STX7: variants seen among roughly 807,000 people sequenced by gnomAD.
STX7 encodes the protein syntaxin 7.
Under a neutral mutation model 39.6 loss-of-function variants are expected in STX7, and 34 were observed. The ratio of observed to expected loss-of-function variants is 0.86; its 90% CI spans 0.65 to 1.14. STX7 has a LOEUF of 1.14. Ranked by LOEUF, STX7 falls within the 50% of genes most tolerant of loss-of-function variation. STX7 has a pLI of 0.00. For missense variants in STX7, 284 were observed against 310.4 expected (o/e 0.92, Z 0.64); for synonymous variants, 119 against 99.1 (o/e 1.20, Z -1.19).
intron 9 of STX7, chr6:132,461,585 C>T: frequency 2.5e-6 from 1 of 402,602 alleles, no homozygotes; most frequent in Non-Finnish European, 4.5e-6. Flanking sequence ...GCTGGGATTA[C>T]AGGCGTGAGC....
chr6:132,497,528 A>T (rs1775446834), intron 2 of STX7, among the ~76,000 whole-genome samples: 1 of 152,220 alleles, frequency 6.6e-6, no homozygotes, highest in Admixed American at 6.5e-5. Flanking sequence ...TCTAGTACTC[A>T]ATGTATACAT....
chr6:132,478,683 G>A (rs150191856), intron 2 of STX7, among the ~76,000 whole-genome samples: 1 of 152,304 alleles, frequency 6.6e-6, no homozygotes, highest in Admixed American at 6.5e-5. Flanking sequence ...AGCTTATTCA[G>A]GTGGTGACTC....
intron 2 of STX7, 55 bp from the exon 3 acceptor site, chr6:132,475,717 A>G: frequency 6.9e-6 from 9 of 1,308,838 alleles, no homozygotes; most frequent in Non-Finnish European, 9.6e-6. Context: ...GGTAACAGAA[A>G]GAGTTAAAAA....
At chr6:132,481,997 G>C (rs890973429) in intron 2 of STX7, among the ~76,000 whole-genome samples, 1 of 152,096 alleles carries the variant, frequency 6.6e-6, no homozygotes, top group Non-Finnish European at 1.5e-5. Flanking sequence ...TAACTAGAAG[G>C]CAAATTTCTT....
At chr6:132,505,739 T>TAAA (rs368964430) in intron 1 of STX7, among the ~76,000 whole-genome samples, 3,716 of 60,046 alleles carry the variant, frequency 0.062, 265 homozygotes, top group Non-Finnish European at 0.083. Context: ...CCAAGTCACT[T>TAAA]AAAAAAAAAA....
chr6:132,507,655 GCCAAATAATATTCCTTCA>G (rs879601596), intron 1 of STX7, among the ~76,000 whole-genome samples: 12,240 of 151,550 alleles, frequency 0.081, 650 homozygotes, highest in East Asian at 0.16. Context: ...CTTCATTATT[GCCAAATAATATTCCTTCA>G]TTATTGCCAA....
At chr6:132,487,685 A>G (rs1775172950) in intron 2 of STX7, among the ~76,000 whole-genome samples, 1 of 152,240 alleles carries the variant, frequency 6.6e-6, no homozygotes, top group Admixed American at 6.5e-5. Context: ...ACCTTTAAAT[A>G]TATGATAGAT....
chr6:132,493,727 T>C (rs568287953), intron 2 of STX7, among the ~76,000 whole-genome samples: 10 of 152,324 alleles, frequency 6.6e-5, no homozygotes, highest in African/African-American at 2.2e-4. Context: ...TGTTCAGTAA[T>C]TGGTGAAAAC....
Position 132,460,613 on chromosome 6 carries a change from ACCCCAACCC to A in STX7, c.*136_*144del. 2 of 543,478 alleles carry A rather than the reference ACCCCAACCC, an allele frequency of 3.7e-6. No individual in the cohort carries two copies. Among genetic ancestry groups the A allele is most frequent in the Non-Finnish European group, 6.1e-6 (2 of 327,958 alleles). 33.7% of individuals were successfully genotyped at this position (543,478 alleles called of 1,614,324 possible). A position where few individuals can be genotyped will look rare whatever the true frequency, so the allele number is the denominator to read the frequency against. On this transcript the variant is annotated 3_prime_UTR_variant, in exon 10 of 10. Transcript: ENST00000367941. ...ATATCAGATTTAATCCAAAGGAACC[ACCCCAACCC>A]CCCCAATAAAAATAACAAAGTATGG...
chr6:132,491,768 G>A (rs1775295352), intron 2 of STX7, among the ~76,000 whole-genome samples: 1 of 151,808 alleles, frequency 6.6e-6, no homozygotes, highest in African/African-American at 2.4e-5. Context: ...TTGGTTTCAG[G>A]CAATCTACTT....
intron 1 of STX7, among the ~76,000 whole-genome samples, chr6:132,512,033 A>G (rs1226128110): frequency 6.6e-6 from 1 of 152,190 alleles, no homozygotes; most frequent in Non-Finnish European, 1.5e-5. Flanking sequence ...AACTTCTCAA[A>G]GTAGCCTATA....
In STX7 at chr6:132,472,292, G is replaced by C. The variant is rs779508895; in HGVS notation, c.239C>G (p.Pro80Arg). The C allele has an allele frequency of 1.9e-5, 30 of 1,612,420 alleles. No individual in the cohort carries two copies. The East Asian group carries it at 6.7e-4, about 36-fold the overall frequency. The stretch of plus-strand genomic sequence containing the variant: ...CTTAAAGCTTGATACCTGTTCACTG[G>C]GGGTGGTGGGCAGAGATCCAAACTC... Reference protein sequence around the residue: ...IKEFGSLPTTPSEQRQRKIQK... With the variant: ...IKEFGSLPTTRSEQRQRKIQK... The change falls in exon 4 of 10, where the codon CCC becomes CGC. Residue 80 changes from proline to arginine, a missense_variant. Pro to Arg is a moderately radical substitution (Grantham distance 103). Coordinates refer to ENST00000367941, the MANE Select transcript of STX7 (RefSeq NM_003569.3).
intron 3 of STX7, among the ~76,000 whole-genome samples, chr6:132,472,932 C>A (rs1364680459): frequency 6.6e-6 from 1 of 152,120 alleles, no homozygotes; most frequent in Non-Finnish European, 1.5e-5. Context: ...CCGAGGCAGG[C>A]GGATCACTTG....
At position 132,449,650 on chromosome 6, in the gene STX7, A is replaced by T. The variant is rs1774097353; in HGVS notation, c.*11108T>A. 6.6e-6 allele frequency: 1 copy of T among 152,208 alleles called. No individual in the cohort carries two copies. The highest frequency in any genetic ancestry group is 1.5e-5 in the Non-Finnish European group (1 of 68,040). 9.4% of individuals were successfully genotyped at this position (152,208 alleles called of 1,614,324 possible). A position where few individuals can be genotyped will look rare whatever the true frequency, so the allele number is the denominator to read the frequency against. ...GTCAACAATTCCTTTAGTTGTGGTG[A>T]ATCTGCTCTTAAACCATTCATTATG... On this transcript the variant is annotated 3_prime_UTR_variant, in exon 10 of 10. Transcript: ENST00000367941.
intron 2 of STX7, among the ~76,000 whole-genome samples, chr6:132,490,621 C>T (rs111418797): frequency 0.023 from 3,538 of 152,152 alleles, 127 homozygotes; most frequent in African/African-American, 0.08. Context: ...AGCAGGAAGC[C>T]GTATGGGTGG....
chr6:132,467,587 G>A (rs1269442013), intron 8 of STX7, among the ~76,000 whole-genome samples: 1 of 152,064 alleles, frequency 6.6e-6, no homozygotes, highest in African/African-American at 2.4e-5. Context: ...ATTTGTGTCT[G>A]GACATAGTAG....
chr6:132,463,620 G>T (rs1774476453), intron 9 of STX7, among the ~76,000 whole-genome samples: 1 of 152,044 alleles, frequency 6.6e-6, no homozygotes, highest in Non-Finnish European at 1.5e-5. Context: ...CTGACAAAAA[G>T]AAAGAAAAAG....
chr6:132,471,379 TA>T, intron 5 of STX7, 83 bp downstream of exon 5: 15 of 1,437,162 alleles, frequency 1.0e-5, no homozygotes, highest in Non-Finnish European at 1.3e-5. Flanking sequence ...CTTTATGACT[TA>T]AAAAATTATG....
chr6:132,501,567 T>C (rs796740163), intron 2 of STX7, among the ~76,000 whole-genome samples: 4 of 152,288 alleles, frequency 2.6e-5, no homozygotes, highest in African/African-American at 9.6e-5. Context: ...AACTCTTTTC[T>C]CCTTCCAGTT....
Sources: allele counts gnomAD v4.1 joint callset (sites outside exome capture counted in the v4.1 genomes callset), GRCh38; gene constraint gnomAD v4.1.1; transcripts MANE v1.5; gene names NCBI Gene and HGNC (gene_info 2026-07-23, HGNC 2026-07-21).